GPHN: variants seen among roughly 807,000 people sequenced by gnomAD.
The protein encoded by GPHN is gephyrin.
In GPHN, 17 loss-of-function variants were observed where a neutral mutation model predicts 95.5. The observed-to-expected ratio is 0.18, with a 90% CI of 0.12 to 0.27. The LOEUF (loss-of-function observed/expected upper bound fraction) is 0.27. Among genes scored for constraint, GPHN ranks in the 10% least tolerant of loss-of-function variants. The pLI is 1.00. For synonymous variants in GPHN, 320 were observed against 322.5 expected (o/e 0.99, Z 0.08); for missense variants, 660 against 978.1 (o/e 0.67, Z 4.34).
chr14:66,990,204 A>G (rs2071317650), intron 9 of GPHN, among the ~76,000 whole-genome samples: 1 of 152,094 alleles, frequency 6.6e-6, no homozygotes. Context: ...ACTATTTACA[A>G]GAACAGCATG....
the GPHN span, among the ~76,000 whole-genome samples, chr14:67,257,599 A>T: frequency 6.7e-6 from 1 of 148,922 alleles, no homozygotes; most frequent in Non-Finnish European, 1.5e-5. Context: ...ACAGATAACT[A>T]AAAAAAAAAG....
At chr14:66,715,841 G>C (rs1291103598) in intron 2 of GPHN, among the ~76,000 whole-genome samples, 1 of 152,092 alleles carries the variant, frequency 6.6e-6, no homozygotes, top group African/African-American at 2.4e-5. Context: ...TGGTCTGAGA[G>C]AGTGCTTGAT....
chr14:67,116,319 AAG>A (rs1386577106), intron 16 of GPHN, among the ~76,000 whole-genome samples: 4 of 151,936 alleles, frequency 2.6e-5, no homozygotes, highest in Non-Finnish European at 5.9e-5. Context: ...AAGAAAAAGA[AAG>A]AAAGAAACAG....
the GPHN span, among the ~76,000 whole-genome samples, chr14:67,699,061 C>T: frequency 6.6e-6 from 1 of 151,310 alleles, no homozygotes; most frequent in African/African-American, 2.4e-5. Context: ...GACCAGCCTG[C>T]CCAACATGAT....
chr14:67,502,886 A>G, the GPHN span, among the ~76,000 whole-genome samples: 1,069 of 152,332 alleles, frequency 7.0e-3, 20 homozygotes, highest in Non-Finnish European at 6.9e-3. Context: ...GAAATGTATT[A>G]AGATTTACAA....
the GPHN span, among the ~76,000 whole-genome samples, chr14:67,464,053 G>A: frequency 2.0e-5 from 3 of 152,146 alleles, no homozygotes; most frequent in South Asian, 2.1e-4. Context: ...ATGAGGTGGC[G>A]CAGGGTGTGT....
intron 2 of GPHN, among the ~76,000 whole-genome samples, chr14:66,687,251 C>G (rs1042856133): frequency 6.6e-6 from 1 of 152,088 alleles, no homozygotes; most frequent in Non-Finnish European, 1.5e-5. Context: ...CAGCTCTGCA[C>G]CAAGAAGACC....
At chr14:66,672,430 A>G (rs1436157682) in intron 1 of GPHN, among the ~76,000 whole-genome samples, 1 of 152,166 alleles carries the variant, frequency 6.6e-6, no homozygotes, top group Non-Finnish European at 1.5e-5. Flanking sequence ...CAAATTGATT[A>G]TTAGTGCTGT....
intron 3 of GPHN, among the ~76,000 whole-genome samples, chr14:66,786,886 G>T (rs550047231): frequency 1.4e-4 from 21 of 152,198 alleles, no homozygotes; most frequent in South Asian, 2.1e-4. Flanking sequence ...TTGATTAAGA[G>T]CATCTAGAGA....
chr14:66,920,499 T>C (rs911559435), intron 6 of GPHN, among the ~76,000 whole-genome samples: 1 of 151,896 alleles, frequency 6.6e-6, no homozygotes, highest in Admixed American at 6.6e-5. Flanking sequence ...AAGTTGTATA[T>C]AGAAATTTTA....
At chr14:66,678,797 G>A (rs950143451) in intron 1 of GPHN, among the ~76,000 whole-genome samples, 12 of 152,168 alleles carry the variant, frequency 7.9e-5, no homozygotes, top group Non-Finnish European at 1.5e-4. Flanking sequence ...GGTTCAGGTG[G>A]TTGCATTAGT....
chr14:67,287,316 T>C, the GPHN span, among the ~76,000 whole-genome samples: 13 of 151,870 alleles, frequency 8.6e-5, no homozygotes, highest in South Asian at 2.1e-4. Flanking sequence ...GTTTTTTTTT[T>C]CCATAAATAT....
At chr14:67,590,926 A>G in the GPHN span, among the ~76,000 whole-genome samples, 1 of 152,242 alleles carries the variant, frequency 6.6e-6, no homozygotes, top group South Asian at 2.1e-4. Context: ...AACAGCCCTC[A>G]AACACAAGAA....
At chr14:67,687,763 G>A in the GPHN span, among the ~76,000 whole-genome samples, 7 of 147,730 alleles carry the variant, frequency 4.7e-5, no homozygotes, top group African/African-American at 1.8e-4. Flanking sequence ...GAGCCACCAC[G>A]TCCGGCCCTT....
chr14:67,321,770 G>A, the GPHN span, among the ~76,000 whole-genome samples: 2 of 152,088 alleles, frequency 1.3e-5, no homozygotes, highest in African/African-American at 4.8e-5. Flanking sequence ...TTCAGATTTT[G>A]CATTTCAGAT....
chr14:67,410,447 G>A, the GPHN span, among the ~76,000 whole-genome samples: 1 of 152,144 alleles, frequency 6.6e-6, no homozygotes, highest in Non-Finnish European at 1.5e-5. Flanking sequence ...CCCATGTGTA[G>A]TCTGAGGTGC....
the GPHN span, among the ~76,000 whole-genome samples, chr14:67,731,018 A>G: frequency 6.6e-6 from 1 of 152,178 alleles, no homozygotes; most frequent in East Asian, 1.9e-4. Context: ...TATTGATTGC[A>G]TGCTAAAATG....
At position 66,559,087 on chromosome 14, in the gene GPHN, A is replaced by T. The variant is rs537168763; in HGVS notation, c.64+50496A>T. The stretch of plus-strand genomic sequence containing the variant: ...TGAACTCATCATTTTTTATGGCTGC[A>T]TAGTATTCCATGGTGTATATATTGC... On this transcript the variant is annotated intron_variant, in intron 1 of 22. Coordinates refer to ENST00000478722, the MANE Select transcript of GPHN (RefSeq NM_020806.5). Among the ~76,000 whole-genome samples, 4 of 152,278 alleles carry T rather than the reference A, an allele frequency of 2.6e-5. No homozygotes were observed. The East Asian group carries it at 7.7e-4, about 29-fold the overall frequency.
At chr14:67,238,927 G>A in the GPHN span, among the ~76,000 whole-genome samples, 1 of 152,188 alleles carries the variant, frequency 6.6e-6, no homozygotes, top group African/African-American at 2.4e-5. Flanking sequence ...ACAGGTGTAA[G>A]CCACCATGCC....
Sources: allele counts gnomAD v4.1 joint callset (sites outside exome capture counted in the v4.1 genomes callset), GRCh38; gene constraint gnomAD v4.1.1; transcripts MANE v1.5; gene names NCBI Gene and HGNC (gene_info 2026-07-23, HGNC 2026-07-21).